WLS: variants seen among roughly 807,000 people sequenced by gnomAD.
WLS encodes protein wntless homolog.
WLS carries 23 observed loss-of-function variants against 62.8 expected under a neutral mutation model. The ratio of observed to expected loss-of-function variants is 0.37; its 90% CI spans 0.26 to 0.52. The LOEUF (loss-of-function observed/expected upper bound fraction) is 0.52, where lower values mean the gene tolerates loss of function less well. Among genes scored for constraint, WLS ranks in the 20% least tolerant of loss-of-function variants. The pLI is 0.92. For synonymous variants in WLS, 246 were observed against 244.1 expected (o/e 1.01, Z -0.07); for missense variants, 615 against 697.3 (o/e 0.88, Z 1.33).
intron 11 of WLS, among the ~76,000 whole-genome samples, chr1:68,106,124 A>G (rs1428317512): frequency 6.6e-6 from 1 of 152,218 alleles, no homozygotes; most frequent in Non-Finnish European, 1.5e-5. Context: ...GCCAAAAACA[A>G]CTAACAGTAA....
At chr1:68,192,050 T>C (rs1283637270) in intron 2 of WLS, among the ~76,000 whole-genome samples, 1 of 152,220 alleles carries the variant, frequency 6.6e-6, no homozygotes, top group Non-Finnish European at 1.5e-5. Context: ...TATTTGCCTG[T>C]CATTTCCACT....
At chr1:68,181,427 C>T (rs551368898) in intron 2 of WLS, among the ~76,000 whole-genome samples, 58 of 152,308 alleles carry the variant, frequency 3.8e-4, no homozygotes, top group African/African-American at 1.3e-3. Context: ...AAATGAGACA[C>T]GTGGGTGATC....
chr1:68,203,695 C>A (rs1283259536), intron 1 of WLS, among the ~76,000 whole-genome samples: 1 of 152,174 alleles, frequency 6.6e-6, no homozygotes, highest in Admixed American at 6.5e-5. Context: ...AGGAACACAG[C>A]GCTGCCATGG....
Position 68,125,736 on chromosome 1 carries a change from T to G in WLS, c.*490A>C. The G allele has an allele frequency of 1.0e-6, 1 of 986,028 alleles. No individual in the cohort carries two copies. Among genetic ancestry groups the G allele is most frequent in the Non-Finnish European group, 1.2e-6 (1 of 830,394 alleles). 61.1% of individuals were successfully genotyped at this position (986,028 alleles called of 1,614,324 possible). On this transcript the variant is annotated 3_prime_UTR_variant, in exon 12 of 12. Transcript: ENST00000262348. The stretch of plus-strand genomic sequence containing the variant: ...ATTAACTCAGTGGGCTACCTGGTGA[T>G]ATAAATAGGAAAAAAACAGTGGTCA...
chr1:68,230,767 G>C (rs1477145772), intron 1 of WLS, among the ~76,000 whole-genome samples: 1 of 152,176 alleles, frequency 6.6e-6, no homozygotes, highest in African/African-American at 2.4e-5. Flanking sequence ...TCTCCTTGAT[G>C]AAGCTTCACC....
At position 68,230,588 on chromosome 1, in the gene WLS, C is replaced by T. The variant is rs202239852; in HGVS notation, c.106+1606G>A. Among the ~76,000 whole-genome samples the T allele has an allele frequency of 7.7e-3, 1,151 of 149,148 alleles. 14 individuals carry two copies. The highest frequency in any genetic ancestry group is 0.031 in the East Asian group (154 of 4,956). ...GCCAACCCGTGTGTGTGTGTGCGCG[C>T]GTGTGTGTGTGTGTGTGTGTGTGTG... On this transcript the variant is annotated intron_variant, in intron 1 of 11. Transcript: ENST00000262348.
chr1:68,229,825 T>TA lies in WLS; in HGVS notation c.106+2368dup, dbSNP rs372269612. ...GCCTTTGCAATTGAGGAAGGAGAGG[T>TA]AAGCAGTAAACTTATACAGTTTCCT... On this transcript the variant is annotated intron_variant, in intron 1 of 11. Transcript: ENST00000262348. Among the ~76,000 whole-genome samples, 20 of 152,270 alleles carry TA rather than the reference T, an allele frequency of 1.3e-4. No individual in the cohort carries two copies. In the East Asian group the frequency reaches 3.9e-3, roughly 29 times the overall value.
At chr1:68,204,138 AC>A (rs999433185) in intron 1 of WLS, among the ~76,000 whole-genome samples, 1 of 152,180 alleles carries the variant, frequency 6.6e-6, no homozygotes, top group African/African-American at 2.4e-5. Context: ...GGCAAGTAAG[AC>A]CTGTTAATGT....
chr1:68,198,482 ACTTCTAACAAATTCAAGGTGTG>A (rs1393799399), intron 1 of WLS, among the ~76,000 whole-genome samples: 1 of 152,196 alleles, frequency 6.6e-6, no homozygotes, highest in Non-Finnish European at 1.5e-5. Flanking sequence ...AATCAATAAG[ACTTCTAACAAATTCAAGGTGTG>A]AAGAAATGTA....
chr1:68,224,796 A>T (rs1032996853), intron 1 of WLS, among the ~76,000 whole-genome samples: 8 of 151,988 alleles, frequency 5.3e-5, no homozygotes, highest in African/African-American at 1.9e-4. Flanking sequence ...TTGAGCTTTC[A>T]TCTTCTGCTC....
At chr1:68,109,387 CAAGA>C (rs1420356013) in intron 11 of WLS, among the ~76,000 whole-genome samples, 2 of 152,148 alleles carry the variant, frequency 1.3e-5, no homozygotes, top group Non-Finnish European at 2.9e-5. Context: ...ATCAAACACA[CAAGA>C]AAGCAAACCA....
intron 11 of WLS, among the ~76,000 whole-genome samples, chr1:68,103,644 C>T (rs1178838742): frequency 6.6e-6 from 1 of 152,132 alleles, no homozygotes; most frequent in Non-Finnish European, 1.5e-5. Flanking sequence ...GGGATACTAA[C>T]TCCAAATGAG....
intron 2 of WLS, among the ~76,000 whole-genome samples, chr1:68,188,923 T>TTAAAGCTAATTAAAGCAAGGAAATTAAAG (rs1244563685): frequency 6.6e-6 from 1 of 152,210 alleles, no homozygotes; most frequent in Non-Finnish European, 1.5e-5. Flanking sequence ...AGCAAGGAAA[T>TTAAAGCTAATTAAAGCAAGGAAATTAAAG]GATAAATTAA....
chr1:68,223,195 A>T (rs1420364961), intron 1 of WLS, among the ~76,000 whole-genome samples: 1 of 152,250 alleles, frequency 6.6e-6, no homozygotes, highest in Non-Finnish European at 1.5e-5. Flanking sequence ...GAGTAAAAGC[A>T]TGAGAGATTC....
intron 11 of WLS, among the ~76,000 whole-genome samples, chr1:68,118,893 A>G (rs868682468): frequency 7.5e-5 from 11 of 147,186 alleles, no homozygotes; most frequent in African/African-American, 2.7e-4. Context: ...AAAAAAAAAA[A>G]AAAAAAAAAG....
chr1:68,185,209 C>T lies in WLS; in HGVS notation c.379+8746G>A, dbSNP rs1043316214. On this transcript the variant is annotated intron_variant, in intron 2 of 11. Coordinates refer to ENST00000262348, the MANE Select transcript of WLS (RefSeq NM_024911.7). ...AAGACTGCTCCCCACTTCAGATGCCCATCGAAAAAACAGGTTGTGGCCTGT... is the reference window on the plus strand; with the variant it reads ...AAGACTGCTCCCCACTTCAGATGCCTATCGAAAAAACAGGTTGTGGCCTGT... 3.3e-5 allele frequency among the ~76,000 whole-genome samples: 5 copies of T among 152,140 alleles called. No individual in the cohort carries two copies. The South Asian group carries it at 1.0e-3, about 31-fold the overall frequency.
rs544702138 is a variant in WLS, at chr1:68,135,456, C to T, written c.1516+2324G>A. Among the ~76,000 whole-genome samples, 3 of 152,016 alleles carry T rather than the reference C, an allele frequency of 2.0e-5. No individual in the cohort carries two copies. In the East Asian group the frequency reaches 5.8e-4, roughly 29 times the overall value. On this transcript the variant is annotated intron_variant, in intron 11 of 11. Coordinates refer to ENST00000262348, the MANE Select transcript of WLS (RefSeq NM_024911.7). ...TGAGCCATTGCACCCAGGCTAACCA[C>T]AGAAATTCGTAGTTCAAAAGGACTT...
chr1:68,176,383 G>T (rs12034190), intron 2 of WLS: 8,640 of 138,330 alleles, frequency 0.062, 268 homozygotes, highest in Middle Eastern at 0.13. Context: ...CCATTAAAAG[G>T]TTCACAGATG....
chr1:68,227,405 CAAAAAAAAAAA>C (rs59704442), intron 1 of WLS, among the ~76,000 whole-genome samples: 1 of 112,858 alleles, frequency 8.9e-6, no homozygotes, highest in Non-Finnish European at 1.8e-5. Context: ...GACTCCGTCA[CAAAAAAAAAAA>C]AAAAAAAAAG....
Sources: gnomAD v4.1 joint callset for allele counts (sites outside exome capture counted in the v4.1 genomes callset) on GRCh38, gnomAD v4.1.1 for gene constraint, MANE v1.5 for transcripts, NCBI Gene and HGNC (gene_info 2026-07-23, HGNC 2026-07-21) for gene names.